Variants in HHAT observed in about 807,000 individuals in gnomAD.
HHAT encodes the protein protein-cysteine N-palmitoyltransferase HHAT.
HHAT carries 47 observed loss-of-function variants against 70.8 expected under a neutral mutation model. The observed-to-expected ratio is 0.66, with a 90% CI of 0.53 to 0.85. The LOEUF is 0.85. Among genes scored for constraint, HHAT ranks in the 40% least tolerant of loss-of-function variants. HHAT has a pLI of 0.00. For missense variants in HHAT, 609 were observed against 604.8 expected (o/e 1.01, Z -0.07); for synonymous variants, 228 against 247.6 (o/e 0.92, Z 0.74).
intron 2 of HHAT, among the ~76,000 whole-genome samples, chr1:210,350,371 T>C (rs374429087): frequency 6.6e-6 from 1 of 152,238 alleles, no homozygotes; most frequent in Non-Finnish European, 1.5e-5. Context: ...TGGGAAGAAC[T>C]GACATCTTGA....
At chr1:210,387,353 C>A in intron 3 of HHAT, 115 bp from the exon 4 acceptor site, 1 of 832,466 alleles carries the variant, frequency 1.2e-6, no homozygotes. Context: ...TGTAAATCCT[C>A]TTTTACAGAG....
chr1:210,479,072 C>A (rs530798685), intron 8 of HHAT, among the ~76,000 whole-genome samples: 2 of 152,110 alleles, frequency 1.3e-5, no homozygotes. Flanking sequence ...GTCAGCTGTT[C>A]CCGGGCAAGT....
intron 8 of HHAT, among the ~76,000 whole-genome samples, chr1:210,496,024 A>G (rs1479888536): frequency 6.6e-6 from 1 of 150,706 alleles, no homozygotes; most frequent in Non-Finnish European, 1.5e-5. Context: ...AAAAAAAAAA[A>G]AAAAAAGAAA....
chr1:210,339,045 A>G (rs1416031), intron 1 of HHAT, among the ~76,000 whole-genome samples: 82 of 152,250 alleles, frequency 5.4e-4, no homozygotes, highest in African/African-American at 1.9e-3. Context: ...CCCTGTCTCA[A>G]AACAAAAACA....
At chr1:210,652,453 G>A (rs192641077) in intron 11 of HHAT, among the ~76,000 whole-genome samples, 10 of 152,244 alleles carry the variant, frequency 6.6e-5, no homozygotes, top group South Asian at 2.1e-4. Context: ...GGCAGAACCC[G>A]GGGCCCACTG....
chr1:210,356,401 T>A (rs935389136), intron 2 of HHAT, among the ~76,000 whole-genome samples: 6 of 152,132 alleles, frequency 3.9e-5, no homozygotes, highest in African/African-American at 9.7e-5. Flanking sequence ...TTCATTTTTT[T>A]AATATTCAGT....
chr1:210,613,991 G>T (rs1271342132), intron 10 of HHAT, among the ~76,000 whole-genome samples: 3 of 136,682 alleles, frequency 2.2e-5, no homozygotes, highest in African/African-American at 8.4e-5. Context: ...CTGCACTCCA[G>T]CCTGGAGACA....
At chr1:210,636,358 A>T (rs1458724107) in intron 11 of HHAT, among the ~76,000 whole-genome samples, 1 of 152,084 alleles carries the variant, frequency 6.6e-6, no homozygotes, top group Non-Finnish European at 1.5e-5. Flanking sequence ...CCTTAACCTG[A>T]GGATGATTAT....
chr1:210,341,248 A>C (rs2086016395), intron 1 of HHAT, among the ~76,000 whole-genome samples: 1 of 152,216 alleles, frequency 6.6e-6, no homozygotes, highest in Non-Finnish European at 1.5e-5. Context: ...TCTCTGGTGC[A>C]TGTGAGTATT....
chr1:210,648,676 ACG>A (rs1391077787), intron 11 of HHAT, among the ~76,000 whole-genome samples: 1 of 152,178 alleles, frequency 6.6e-6, no homozygotes, highest in Non-Finnish European at 1.5e-5. Context: ...TATGCACAAC[ACG>A]CATTCTCCAG....
At chr1:210,645,197 G>C (rs529719793) in intron 11 of HHAT, among the ~76,000 whole-genome samples, 2 of 152,246 alleles carry the variant, frequency 1.3e-5, no homozygotes, top group South Asian at 4.1e-4. Context: ...ACACCTAGCT[G>C]CCTCCCTACC....
intron 4 of HHAT, among the ~76,000 whole-genome samples, chr1:210,389,305 G>C (rs903688781): frequency 6.6e-6 from 1 of 152,158 alleles, no homozygotes; most frequent in Non-Finnish European, 1.5e-5. Flanking sequence ...CTGACATCGC[G>C]GCAATCCTGA....
At chr1:210,458,167 T>C (rs544984945) in intron 7 of HHAT, among the ~76,000 whole-genome samples, 22 of 152,266 alleles carry the variant, frequency 1.4e-4, no homozygotes, top group African/African-American at 4.3e-4. Context: ...CAAGTGTGGA[T>C]TGACTCTGAG....
intron 9 of HHAT, among the ~76,000 whole-genome samples, chr1:210,516,288 C>T (rs1235248022): frequency 6.6e-6 from 1 of 152,004 alleles, no homozygotes; most frequent in Non-Finnish European, 1.5e-5. Context: ...GAAAGAAAGA[C>T]AGGGCAGCTG....
chr1:210,404,375 C>T (rs534541917), intron 5 of HHAT, 89 bp from the exon 6 acceptor site: 24 of 948,342 alleles, frequency 2.5e-5, no homozygotes, highest in Admixed American at 6.2e-5. Context: ...TCTCAGATGA[C>T]GGTGGCCCTG....
chr1:210,408,350 T>C (rs1015036825), intron 6 of HHAT, among the ~76,000 whole-genome samples: 4 of 152,036 alleles, frequency 2.6e-5, no homozygotes, highest in Non-Finnish European at 5.9e-5. Flanking sequence ...ACCCAGCTGA[T>C]TTTTGTATTT....
At chr1:210,576,462 A>G (rs1316417108) in intron 9 of HHAT, among the ~76,000 whole-genome samples, 1 of 148,836 alleles carries the variant, frequency 6.7e-6, no homozygotes, top group Non-Finnish European at 1.5e-5. Flanking sequence ...AACACTTAAC[A>G]TAATGAGAAC....
chr1:210,383,829 A>G (rs2090841786), intron 3 of HHAT, among the ~76,000 whole-genome samples: 1 of 152,216 alleles, frequency 6.6e-6, no homozygotes, highest in Non-Finnish European at 1.5e-5. Flanking sequence ...ATGAGGCTGT[A>G]ATTAGAAAAC....
chr1:210,351,840 C>A (rs2087054421), intron 2 of HHAT, among the ~76,000 whole-genome samples: 1 of 152,204 alleles, frequency 6.6e-6, no homozygotes, highest in African/African-American at 2.4e-5. Flanking sequence ...ATACAGGTCA[C>A]TTCTGCCTCA....
Sources: allele counts gnomAD v4.1 joint callset (sites outside exome capture counted in the v4.1 genomes callset), GRCh38; gene constraint gnomAD v4.1.1; transcripts MANE v1.5; gene names NCBI Gene and HGNC (gene_info 2026-07-23, HGNC 2026-07-21).